Variants in LIMCH1 observed in about 807,000 individuals in gnomAD.
LIMCH1 encodes the protein LIM and calponin homology domains-containing protein 1.
A neutral mutation model predicts 176.5 loss-of-function variants in LIMCH1; 113 were observed. The observed-to-expected ratio is 0.64, with a 90% CI of 0.55 to 0.75. The LOEUF is 0.75. Among genes scored for constraint, LIMCH1 ranks in the 30% least tolerant of loss-of-function variants. LIMCH1 has a pLI of 0.00. For synonymous variants in LIMCH1, 619 were observed against 645.9 expected, an observed-to-expected ratio of 0.96 and a Z score of 0.63; for missense variants, 1,674 against 1,814.9, an observed-to-expected ratio of 0.92 and a Z score of 1.41.
At chr4:41,562,744 T>C (rs2082221144) in intron 1 of LIMCH1, among the ~76,000 whole-genome samples, 1 of 152,150 alleles carries the variant, frequency 6.6e-6, no homozygotes, top group Non-Finnish European at 1.5e-5. Context: ...ATCTCCCTTC[T>C]GTAGGGCTAA....
intron 17 of LIMCH1, among the ~76,000 whole-genome samples, chr4:41,647,758 A>G (rs1296398495): frequency 1.3e-5 from 2 of 152,254 alleles, no homozygotes; most frequent in African/African-American, 4.8e-5. Flanking sequence ...TCCTTGCTGT[A>G]TTTCAAAGAG....
At chr4:41,629,175 C>T (rs1455119109) in intron 8 of LIMCH1, among the ~76,000 whole-genome samples, 1 of 152,266 alleles carries the variant, frequency 6.6e-6, no homozygotes, top group East Asian at 1.9e-4. Flanking sequence ...GGGAATTGGG[C>T]ATCATTACCA....
At chr4:41,633,418 C>A in intron 12 of LIMCH1, 130 bp from the exon 13 acceptor site, 1 of 1,099,144 alleles carries the variant, frequency 9.1e-7, no homozygotes, top group Non-Finnish European at 1.3e-6. Flanking sequence ...TCCTGCTCAG[C>A]TGCTCTGTGT....
At chr4:41,467,156 TATACACAC>T (rs1323972996) in intron 1 of LIMCH1, among the ~76,000 whole-genome samples, 12 of 100,310 alleles carry the variant, frequency 1.2e-4, no homozygotes, top group Non-Finnish European at 1.7e-4. Context: ...TGTATGTATA[TATACACAC>T]ACACACACAC....
chr4:41,377,670 C>T (rs543297387), intron 1 of LIMCH1, among the ~76,000 whole-genome samples: 3 of 152,208 alleles, frequency 2.0e-5, no homozygotes, highest in Non-Finnish European at 4.4e-5. Context: ...TTATTTGTTA[C>T]AATTCTGGAG....
intron 2 of LIMCH1, among the ~76,000 whole-genome samples, chr4:41,601,579 G>A (rs185247974): frequency 1.4e-4 from 21 of 152,302 alleles, no homozygotes; most frequent in African/African-American, 4.3e-4. Context: ...TGTGGTGGGC[G>A]TGGCAGTCCA....
chr4:41,397,910 A>G (rs28588091), intron 1 of LIMCH1, among the ~76,000 whole-genome samples: 4,713 of 152,064 alleles, frequency 0.031, 254 homozygotes, highest in African/African-American at 0.11. Flanking sequence ...TACAATTTTT[A>G]TATTATGTAA....
chr4:41,502,907 T>TCA (rs71650929), intron 2 of LIMCH1, among the ~76,000 whole-genome samples: 36,016 of 141,950 alleles, frequency 0.25, 4,964 homozygotes, highest in African/African-American at 0.39. Flanking sequence ...CGGAGGTAAA[T>TCA]CACACACACA....
intron 1 of LIMCH1, among the ~76,000 whole-genome samples, chr4:41,573,251 A>C (rs1383288339): frequency 1.3e-5 from 2 of 152,266 alleles, no homozygotes; most frequent in African/African-American, 4.8e-5. Flanking sequence ...CAACAGCATC[A>C]ACAATCAATT....
At position 41,394,092 on chromosome 4, in the gene LIMCH1, A is replaced by G. The variant is rs994822893; in HGVS notation, c.96+33156A>G. On this transcript the variant is annotated intron_variant, in intron 1 of 26. Coordinates refer to the LIMCH1 transcript ENST00000313860. ...TTCTTTGTCTATGTAAACTTACTTTATGTAGTTTTAAAGTAACTACATAAA... is the reference window on the plus strand; with the variant it reads ...TTCTTTGTCTATGTAAACTTACTTTGTGTAGTTTTAAAGTAACTACATAAA... Among the ~76,000 whole-genome samples the G allele has an allele frequency of 2.6e-5, 4 of 152,184 alleles. 1 individual carries two copies. The highest frequency in any genetic ancestry group is 9.7e-5 in the African/African-American group (4 of 41,440).
At chr4:41,454,524 G>C (rs1410589846) in intron 1 of LIMCH1, among the ~76,000 whole-genome samples, 1 of 152,110 alleles carries the variant, frequency 6.6e-6, no homozygotes, top group Non-Finnish European at 1.5e-5. Flanking sequence ...ATATTTGAGA[G>C]TAGGTGTGGC....
At chr4:41,672,156 G>C (rs999246319) in intron 22 of LIMCH1, among the ~76,000 whole-genome samples, 2 of 152,162 alleles carry the variant, frequency 1.3e-5, no homozygotes, top group Non-Finnish European at 2.9e-5. Context: ...GATCACTTGA[G>C]GTCAGGAGTT....
chr4:41,403,777 A>G (rs1442353801), intron 1 of LIMCH1, among the ~76,000 whole-genome samples: 1 of 152,208 alleles, frequency 6.6e-6, no homozygotes, highest in Non-Finnish European at 1.5e-5. Context: ...TCCATGCCCT[A>G]GTGAACTGCT....
chr4:41,386,005 G>C (rs1453652998), intron 1 of LIMCH1: 1 of 152,202 alleles, frequency 6.6e-6, no homozygotes, highest in Non-Finnish European at 1.5e-5. Flanking sequence ...AGTGCTACTA[G>C]GGTGAGTTTG....
rs1554050450 is a variant in LIMCH1 at position 41,444,311 on chromosome 4, T to TACAC, written c.97-50224_97-50223insCACA. Among the ~76,000 whole-genome samples, 5 of 71,202 alleles carry TACAC rather than the reference T, an allele frequency of 7.0e-5. No individual in the cohort carries two copies. The East Asian group carries it at 1.0e-3, about 14-fold the overall frequency. 46.7% of individuals were successfully genotyped at this position (71,202 alleles called of 152,430 possible). A position where few individuals can be genotyped will look rare whatever the true frequency, so the allele number is the denominator to read the frequency against. Reference sequence around the variant, plus strand: ...ATGTGTGTGAGTGTGTGTGTATATATATACACACACACACACACACACACA... The same window carrying TACAC: ...ATGTGTGTGAGTGTGTGTGTATATATACACATACACACACACACACACACACACA... On this transcript the variant is annotated intron_variant, in intron 1 of 26. Coordinates refer to the LIMCH1 transcript ENST00000313860.
At chr4:41,395,489 C>T (rs1181671783) in intron 1 of LIMCH1, among the ~76,000 whole-genome samples, 6 of 152,070 alleles carry the variant, frequency 3.9e-5, no homozygotes, top group African/African-American at 1.2e-4. Flanking sequence ...GTGATCCGCC[C>T]GCCTTGGCCT....
At chr4:41,378,111 ACAT>A (rs2055046747) in intron 1 of LIMCH1, among the ~76,000 whole-genome samples, 1 of 152,240 alleles carries the variant, frequency 6.6e-6, no homozygotes, top group Non-Finnish European at 1.5e-5. Context: ...CTCGAAGGGA[ACAT>A]GAGCAGAGGC....
intron 8 of LIMCH1, 51 bp from the exon 9 acceptor site, chr4:41,629,441 T>C (rs2093180925): frequency 6.5e-7 from 1 of 1,527,598 alleles, no homozygotes; most frequent in Non-Finnish European, 8.8e-7. Context: ...CTGCTCCCCT[T>C]CCTTGAACTT....
intron 3 of LIMCH1, among the ~76,000 whole-genome samples, chr4:41,529,437 G>T (rs550988085): frequency 2.0e-3 from 312 of 152,314 alleles, no homozygotes; most frequent in African/African-American, 7.2e-3. Flanking sequence ...ATGAAATACT[G>T]TTTGATTTTT....
Sources: gnomAD v4.1 joint callset for allele counts (sites outside exome capture counted in the v4.1 genomes callset) on GRCh38, gnomAD v4.1.1 for gene constraint, MANE v1.5 for transcripts, NCBI Gene and HGNC (gene_info 2026-07-23, HGNC 2026-07-21) for gene names.